TGFB2: variants seen among roughly 807,000 people sequenced by gnomAD.
TGFB2 encodes transforming growth factor beta-2 proprotein.
Under a neutral mutation model 42.7 loss-of-function variants are expected in TGFB2, and 13 were observed. The ratio of observed to expected loss-of-function variants is 0.30; its 90% CI spans 0.20 to 0.48. The LOEUF (loss-of-function observed/expected upper bound fraction) is 0.48, where lower values mean the gene tolerates loss of function less well. TGFB2 is among the 20% of genes least tolerant of loss of function. The pLI, the probability that TGFB2 is intolerant of heterozygous loss-of-function variation, is 0.99. For missense variants in TGFB2, 390 were observed against 517.5 expected, an observed-to-expected ratio of 0.75 and a Z score of 2.39; for synonymous variants, 193 against 193.6, an observed-to-expected ratio of 1.00 and a Z score of 0.03.
chr1:218,438,107 T>G (rs1558264481), intron 6 of TGFB2, among the ~76,000 whole-genome samples: 1 of 152,224 alleles, frequency 6.6e-6, no homozygotes, highest in Non-Finnish European at 1.5e-5. Context: ...TTTTCATACC[T>G]ATTAATCAAC....
At chr1:218,371,648 A>G (rs940386261) in intron 1 of TGFB2, among the ~76,000 whole-genome samples, 2 of 152,230 alleles carry the variant, frequency 1.3e-5, no homozygotes, top group African/African-American at 4.8e-5. Context: ...GCATGCAGTG[A>G]TATCTTTGAG....
At chr1:218,371,816 G>T (rs1314226002) in intron 1 of TGFB2, among the ~76,000 whole-genome samples, 1 of 152,198 alleles carries the variant, frequency 6.6e-6, no homozygotes, top group Non-Finnish European at 1.5e-5. Flanking sequence ...TCTGTCTTGT[G>T]CGAGTTCCAT....
chr1:218,422,217 GTTTTCTT>G (rs1213095333), intron 2 of TGFB2, among the ~76,000 whole-genome samples: 6 of 150,024 alleles, frequency 4.0e-5, no homozygotes, highest in African/African-American at 1.5e-4. Flanking sequence ...TTGTTTTTTT[GTTTTCTT>G]TTTTTTTGTT....
intron 1 of TGFB2, among the ~76,000 whole-genome samples, chr1:218,404,529 G>A (rs535791778): frequency 9.9e-5 from 15 of 152,132 alleles, no homozygotes; most frequent in African/African-American, 1.9e-4. Context: ...ATGACCTCCC[G>A]CCAACAGACA....
intron 1 of TGFB2, among the ~76,000 whole-genome samples, chr1:218,351,228 C>T (rs1220355388): frequency 1.3e-5 from 2 of 152,112 alleles, no homozygotes; most frequent in African/African-American, 2.4e-5. Flanking sequence ...ATTGCTGGAA[C>T]GTAGTGGTAT....
intron 2 of TGFB2, among the ~76,000 whole-genome samples, chr1:218,420,613 T>G (rs1212750718): frequency 6.6e-6 from 1 of 151,980 alleles, no homozygotes; most frequent in African/African-American, 2.4e-5. Flanking sequence ...GACTTTTCTG[T>G]GTGTGTGTGC....
chr1:218,416,619 G>A (rs182026432), intron 2 of TGFB2, among the ~76,000 whole-genome samples: 1 of 152,312 alleles, frequency 6.6e-6, no homozygotes, highest in East Asian at 1.9e-4. Flanking sequence ...TGTCTCTGCT[G>A]TTACTATGCT....
At chr1:218,396,144 A>G (rs1439683728) in intron 1 of TGFB2, among the ~76,000 whole-genome samples, 1 of 152,204 alleles carries the variant, frequency 6.6e-6, no homozygotes, top group Non-Finnish European at 1.5e-5. Flanking sequence ...CATTGTGGTT[A>G]GACCATCATA....
At chr1:218,415,480 A>C (rs1659244544) in intron 2 of TGFB2, among the ~76,000 whole-genome samples, 1 of 151,920 alleles carries the variant, frequency 6.6e-6, no homozygotes, top group Non-Finnish European at 1.5e-5. Flanking sequence ...GGAACACTTG[A>C]GGTCAGGAGT....
chr1:218,371,581 C>T (rs575058492), intron 1 of TGFB2, among the ~76,000 whole-genome samples: 7 of 152,252 alleles, frequency 4.6e-5, no homozygotes, highest in South Asian at 2.1e-4. Context: ...AGTCCTGATA[C>T]GTTATATGGA....
intron 1 of TGFB2, among the ~76,000 whole-genome samples, chr1:218,365,754 G>A (rs1657368169): frequency 6.6e-6 from 1 of 152,052 alleles, no homozygotes; most frequent in African/African-American, 2.4e-5. Context: ...TCCAGGGTCA[G>A]GGTGAATTTC....
chr1:218,409,110 G>A (rs1306355157), intron 2 of TGFB2, among the ~76,000 whole-genome samples: 3 of 152,136 alleles, frequency 2.0e-5, no homozygotes, highest in Non-Finnish European at 4.4e-5. Flanking sequence ...GACAGGAGGT[G>A]GAGCTCAGGC....
Position 218,437,511 on chromosome 1 carries a change from T to A in TGFB2, c.1086+15T>A. 6.2e-6 allele frequency: 10 copies of A among 1,601,988 alleles called. No homozygotes were observed. Among genetic ancestry groups the A allele is most frequent in the Non-Finnish European group, 8.5e-6 (10 of 1,174,694 alleles). On this transcript the variant is annotated intron_variant, in intron 6 of 6. Coordinates refer to ENST00000366930, the MANE Select transcript of TGFB2 (RefSeq NM_003238.6). ...AGCACAGCAGGGTGAGTGTTCAGCT[T>A]ACCTGTTGCCTCTGTTCTTGGGTTA...
chr1:218,417,712 C>T (rs1388244553), intron 2 of TGFB2, among the ~76,000 whole-genome samples: 5 of 152,160 alleles, frequency 3.3e-5, no homozygotes, highest in Admixed American at 3.3e-4. Context: ...GTTTTGTGGG[C>T]CTGGCCCAGG....
chr1:218,421,630 G>T (rs1376601227), intron 2 of TGFB2, among the ~76,000 whole-genome samples: 1 of 151,958 alleles, frequency 6.6e-6, no homozygotes, highest in East Asian at 1.9e-4. Context: ...TTAGAAGTGG[G>T]ATTGTGTCCC....
intron 1 of TGFB2, among the ~76,000 whole-genome samples, chr1:218,361,652 T>G (rs1197648178): frequency 6.6e-6 from 1 of 152,234 alleles, no homozygotes; most frequent in Non-Finnish European, 1.5e-5. Context: ...TCTGGTTGTA[T>G]TCTTTGAGAT....
chr1:218,350,159 A>G (rs1430920752), intron 1 of TGFB2, among the ~76,000 whole-genome samples: 2 of 152,226 alleles, frequency 1.3e-5, no homozygotes, highest in Non-Finnish European at 2.9e-5. Flanking sequence ...CAAATAATTG[A>G]CATGTAAGAA....
chr1:218,425,376 T>G (rs928945074), intron 2 of TGFB2, among the ~76,000 whole-genome samples: 12 of 151,822 alleles, frequency 7.9e-5, no homozygotes, highest in African/African-American at 2.9e-4. Context: ...CCCGGCTAAT[T>G]TTTTGTATTT....
intron 1 of TGFB2, among the ~76,000 whole-genome samples, chr1:218,378,234 T>A (rs1041838043): frequency 2.0e-5 from 3 of 152,162 alleles, no homozygotes; most frequent in African/African-American, 7.2e-5. Context: ...ATGAGTGCAA[T>A]GGTGCGATCT....
Sources: allele counts gnomAD v4.1 joint callset (sites outside exome capture counted in the v4.1 genomes callset), GRCh38; gene constraint gnomAD v4.1.1; transcripts MANE v1.5; gene names NCBI Gene and HGNC (gene_info 2026-07-23, HGNC 2026-07-21).